ADAM17: variants seen among roughly 807,000 people sequenced by gnomAD.
The protein encoded by ADAM17 is disintegrin and metalloproteinase domain-containing protein 17.
Under a neutral mutation model 96.7 loss-of-function variants are expected in ADAM17, and 39 were observed. The observed-to-expected ratio is 0.40, with a 90% CI of 0.31 to 0.53. The LOEUF (loss-of-function observed/expected upper bound fraction) is 0.53, where lower values mean the gene tolerates loss of function less well. Ranked by LOEUF, ADAM17 falls within the 20% of genes least tolerant of loss-of-function variation. ADAM17 has a pLI of 0.44. For missense variants in ADAM17, 777 were observed against 1,013.2 expected, an observed-to-expected ratio of 0.77 and a Z score of 3.17; for synonymous variants, 344 against 359.2, an observed-to-expected ratio of 0.96 and a Z score of 0.48.
intron 5 of ADAM17, 76 bp downstream of exon 5, chr2:9,527,710 C>A: frequency 9.7e-7 from 1 of 1,030,612 alleles, no homozygotes; most frequent in Non-Finnish European, 1.3e-6. Context: ...TATTTTTTAA[C>A]AAATAACAAC....
At chr2:9,495,386 C>A (rs1340305159) in intron 14 of ADAM17, among the ~76,000 whole-genome samples, 1 of 152,240 alleles carries the variant, frequency 6.6e-6, no homozygotes. Flanking sequence ...AAAAAGAAAT[C>A]AACTAGAACA....
At chr2:9,501,765 G>A (rs2124989971) in intron 13 of ADAM17, among the ~76,000 whole-genome samples, 1 of 152,128 alleles carries the variant, frequency 6.6e-6, no homozygotes, top group South Asian at 2.1e-4. Context: ...TAAAAACCTT[G>A]TTATATTATC....
intron 13 of ADAM17, among the ~76,000 whole-genome samples, chr2:9,501,742 A>T (rs2124989877): frequency 6.6e-6 from 1 of 152,340 alleles, no homozygotes; most frequent in African/African-American, 2.4e-5. Flanking sequence ...TTTTGCTATT[A>T]GGATGTAGCC....
chr2:9,547,746 G>T (rs188903171), intron 1 of ADAM17, among the ~76,000 whole-genome samples: 10 of 152,184 alleles, frequency 6.6e-5, no homozygotes, highest in Admixed American at 1.3e-4. Flanking sequence ...GGCAATAGCT[G>T]TAAGTTGGAA....
At position 9,489,832 on chromosome 2, in the gene ADAM17, T is replaced by A. The variant is rs1281677919; in HGVS notation, c.*345A>T. ...CAGTGTATAAAAAAAAACTGATCAT[T>A]TCCCTAGTCAGTGCTGTTATCAATA... On this transcript the variant is annotated 3_prime_UTR_variant, in exon 19 of 19. Transcript: ENST00000310823. 5.8e-6 allele frequency: 1 copy of A among 172,086 alleles called. No homozygotes were observed. The highest frequency in any genetic ancestry group is 2.4e-5 in the African/African-American group (1 of 42,050). 10.7% of individuals were successfully genotyped at this position (172,086 alleles called of 1,614,324 possible).
intron 1 of ADAM17, among the ~76,000 whole-genome samples, chr2:9,548,455 G>C (rs1191906442): frequency 6.6e-6 from 1 of 150,692 alleles, no homozygotes; most frequent in South Asian, 2.1e-4. Flanking sequence ...ACCACTAAAA[G>C]ACTCCTAGGT....
rs554296810 is a variant in ADAM17, at chr2:9,555,614, C to A, written c.-9G>T. ...AGGAGAGACTGCCTCATGTTCCCGGCCCCGCTACCGACTCCACCTCTCTGG... is the reference window on the plus strand; with the variant it reads ...AGGAGAGACTGCCTCATGTTCCCGGACCCGCTACCGACTCCACCTCTCTGG... On this transcript the variant is annotated 5_prime_UTR_variant, in exon 1 of 19. Transcript: ENST00000310823. 1.2e-5 allele frequency: 19 copies of A among 1,557,590 alleles called. No homozygotes were observed. In the South Asian group the frequency reaches 2.2e-4, roughly 18 times the overall value.
At chr2:9,522,358 T>C in intron 7 of ADAM17, 1 of 540,596 alleles carries the variant, frequency 1.8e-6, no homozygotes, top group Admixed American at 2.9e-5. Context: ...GGAAAGGAAC[T>C]GGTTTGACAA....
chr2:9,492,277 AT>A (rs1285228756), intron 17 of ADAM17, among the ~76,000 whole-genome samples: 1 of 152,244 alleles, frequency 6.6e-6, no homozygotes, highest in Non-Finnish European at 1.5e-5. Context: ...AAGTGAATGG[AT>A]TCGTAAGAAC....
intron 4 of ADAM17, among the ~76,000 whole-genome samples, chr2:9,529,666 C>T (rs1002067459): frequency 2.0e-5 from 3 of 152,074 alleles, no homozygotes; most frequent in Non-Finnish European, 4.4e-5. Context: ...GGTGTTTGCA[C>T]AACTCCATCA....
intron 13 of ADAM17, 29 bp from the exon 14 acceptor site, chr2:9,497,277 A>G: frequency 1.2e-6 from 2 of 1,612,906 alleles, no homozygotes; most frequent in Non-Finnish European, 1.7e-6. Flanking sequence ...CATAACAAAA[A>G]GAATGAGTCA....
chr2:9,523,117 A>T lies in ADAM17; in HGVS notation c.843+132T>A, dbSNP rs2125023176. The T allele has an allele frequency of 6.2e-6, 4 of 641,760 alleles. No individual in the cohort carries two copies. The East Asian group carries it at 1.1e-4, about 18-fold the overall frequency. The allele number at this position is 641,760 out of a possible 1,614,324, so 39.8% of individuals were successfully genotyped here. A position where few individuals can be genotyped will look rare whatever the true frequency, so the allele number is the denominator to read the frequency against. On this transcript the variant is annotated intron_variant, in intron 7 of 18. Coordinates refer to ENST00000310823, the MANE Select transcript of ADAM17 (RefSeq NM_003183.6). ...TCAAAAATACTGCACAATTCATCAT[A>T]AAAAATCATTGGCATCTGAGAAAAC... is the stretch of plus-strand genomic sequence containing the variant.
chr2:9,513,119 C>T (rs1475898263), intron 10 of ADAM17, among the ~76,000 whole-genome samples: 3 of 152,064 alleles, frequency 2.0e-5, no homozygotes, highest in Non-Finnish European at 4.4e-5. Flanking sequence ...CTCAGCCTCC[C>T]GAGTGGCTGA....
chr2:9,538,438 G>C (rs1172549417), intron 2 of ADAM17, among the ~76,000 whole-genome samples: 4 of 152,136 alleles, frequency 2.6e-5, no homozygotes. Context: ...AAAGACAATA[G>C]AACATTATTT....
intron 3 of ADAM17, among the ~76,000 whole-genome samples, chr2:9,536,458 A>T (rs1254034607): frequency 6.6e-6 from 1 of 152,188 alleles, no homozygotes; most frequent in Non-Finnish European, 1.5e-5. Context: ...CTATCACTTA[A>T]GAAGAATTTA....
intron 1 of ADAM17, among the ~76,000 whole-genome samples, chr2:9,552,702 TC>T (rs1665621026): frequency 6.6e-6 from 1 of 152,186 alleles, no homozygotes; most frequent in Non-Finnish European, 1.5e-5. Flanking sequence ...GATTTTGAAA[TC>T]AAAGTGAGAC....
At chr2:9,505,494 G>T in intron 11 of ADAM17, 129 bp from the exon 12 acceptor site, 1 of 923,628 alleles carries the variant, frequency 1.1e-6, no homozygotes, top group Non-Finnish European at 1.7e-6. Flanking sequence ...TGGAGTTATG[G>T]CAAGGCCACC....
At chr2:9,496,986 C>T (rs1302000738) in intron 14 of ADAM17, 128 bp downstream of exon 14, 18 of 1,407,296 alleles carry the variant, frequency 1.3e-5, no homozygotes, top group Non-Finnish European at 1.6e-5. Flanking sequence ...TGCCCTTCCC[C>T]ATCCCCTCAT....
chr2:9,554,626 T>C (rs1237461522), intron 1 of ADAM17, among the ~76,000 whole-genome samples: 1 of 152,232 alleles, frequency 6.6e-6, no homozygotes, highest in Non-Finnish European at 1.5e-5. Flanking sequence ...TTTCACACTT[T>C]ATTACTAATT....
Sources: allele counts gnomAD v4.1 joint callset (sites outside exome capture counted in the v4.1 genomes callset), GRCh38; gene constraint gnomAD v4.1.1; transcripts MANE v1.5; gene names NCBI Gene and HGNC (gene_info 2026-07-23, HGNC 2026-07-21).